PLCL2: variants seen among roughly 807,000 people sequenced by gnomAD.
The protein encoded by PLCL2 is phospholipase C like 2.
PLCL2 carries 4 observed loss-of-function variants against 79.6 expected under a neutral mutation model. The observed-to-expected ratio is 0.05, with a 90% CI of 0.02 to 0.11. PLCL2 has a LOEUF of 0.11. PLCL2 is among the 10% of genes least tolerant of loss of function. The pLI is 1.00. For synonymous variants in PLCL2, 484 were observed against 457.7 expected (o/e 1.06, Z -0.73); for missense variants, 895 against 1,291.0 (o/e 0.69, Z 4.70).
intron 1 of PLCL2, among the ~76,000 whole-genome samples, chr3:16,975,902 T>C (rs2063920920): frequency 6.6e-6 from 1 of 151,978 alleles, no homozygotes; most frequent in Non-Finnish European, 1.5e-5. Flanking sequence ...GTAGCTCTCT[T>C]TGGCTCAGGT....
chr3:16,953,151 G>A (rs1047304703), intron 1 of PLCL2, among the ~76,000 whole-genome samples: 4 of 152,146 alleles, frequency 2.6e-5, no homozygotes, highest in South Asian at 2.1e-4. Flanking sequence ...GACATATTAT[G>A]TGAATGAAGC....
chr3:17,030,595 C>T (rs2064569697), intron 3 of PLCL2, among the ~76,000 whole-genome samples: 1 of 152,136 alleles, frequency 6.6e-6, no homozygotes, highest in Non-Finnish European at 1.5e-5. Context: ...GGGGAAGATA[C>T]CAGAACATGT....
intron 1 of PLCL2, among the ~76,000 whole-genome samples, chr3:16,964,015 A>AATT (rs1183202288): frequency 3.3e-5 from 5 of 151,930 alleles, no homozygotes; most frequent in African/African-American, 4.8e-5. Context: ...AGGATTAGCA[A>AATT]ATTATTATTA....
intron 1 of PLCL2, among the ~76,000 whole-genome samples, chr3:16,897,253 C>T (rs2124917902): frequency 6.6e-6 from 1 of 151,560 alleles, no homozygotes; most frequent in South Asian, 2.1e-4. Context: ...TGACAGTCTG[C>T]CCTATGTGTC....
At chr3:16,948,531 A>G (rs73039041) in intron 1 of PLCL2, among the ~76,000 whole-genome samples, 4,480 of 152,348 alleles carry the variant, frequency 0.029, 88 homozygotes, top group Non-Finnish European at 0.043. Flanking sequence ...TGTGTGAATT[A>G]TATCTCAATA....
At chr3:17,048,130 A>G (rs1350071863) in intron 4 of PLCL2, among the ~76,000 whole-genome samples, 1 of 149,536 alleles carries the variant, frequency 6.7e-6, no homozygotes, top group Non-Finnish European at 1.5e-5. Flanking sequence ...TGCTCCTAGG[A>G]GCTGAGGTTA....
chr3:16,916,554 G>C (rs183917001), intron 1 of PLCL2, among the ~76,000 whole-genome samples: 55 of 152,270 alleles, frequency 3.6e-4, no homozygotes, highest in Non-Finnish European at 2.9e-5. Context: ...TCTGCCAAGA[G>C]CACCCAGTAT....
chr3:16,938,027 G>C (rs1697585917), intron 1 of PLCL2, among the ~76,000 whole-genome samples: 1 of 152,140 alleles, frequency 6.6e-6, no homozygotes, highest in African/African-American at 2.4e-5. Context: ...GTCTTACATA[G>C]TACTGCTTTC....
Position 17,010,728 on chromosome 3 carries a change from G to A in PLCL2, c.1382G>A (p.Arg461Gln), listed in dbSNP as rs754880897. 23 of 1,613,964 alleles carry A rather than the reference G, an allele frequency of 1.4e-5. No individual in the cohort carries two copies. Among genetic ancestry groups the A allele is most frequent in the South Asian group, 1.2e-4 (11 of 91,082 alleles). ...RGPSDITGYI[R>Q]ALKMGCRSVE... The stretch of plus-strand genomic sequence containing the variant: ...CCCTCCGACATCACAGGATATATTC[G>A]AGCTCTTAAAATGGGTTGCCGGAGT... Residue 461 changes from arginine to glutamine, a missense_variant, in exon 2 of 6, where the codon CGA (arginine) becomes CAA (glutamine). Arg to Gln is a conservative substitution (Grantham distance 43, BLOSUM62 1). Around this residue, in one of 6 missense-constraint regions of PLCL2, gnomAD observed 242 missense variants for 399.5 expected, o/e 0.61. Coordinates refer to ENST00000615277, the MANE Select transcript of PLCL2 (RefSeq NM_001144382.2). This position sits in a 1 kb window ranked among gnomAD's most constrained non-coding sequence, Gnocchi z 5.8.
chr3:17,088,769 C>A (rs538979165), intron 5 of PLCL2, among the ~76,000 whole-genome samples: 23 of 152,170 alleles, frequency 1.5e-4, no homozygotes, highest in Non-Finnish European at 2.9e-4. Context: ...CCAAAGAATT[C>A]TCTGGTCCAA....
chr3:16,896,288 T>A (rs1428781449), intron 1 of PLCL2, among the ~76,000 whole-genome samples: 1 of 152,030 alleles, frequency 6.6e-6, no homozygotes, highest in Non-Finnish European at 1.5e-5. Context: ...CCTGCACTAG[T>A]TGATGGCCTG....
At chr3:17,021,934 T>C (rs1315573681) in intron 3 of PLCL2, among the ~76,000 whole-genome samples, 1 of 152,168 alleles carries the variant, frequency 6.6e-6, no homozygotes, top group East Asian at 1.9e-4. Context: ...TCCAGCCCTA[T>C]TGGTGAATGA....
intron 1 of PLCL2, among the ~76,000 whole-genome samples, chr3:16,955,505 A>G (rs1395833572): frequency 6.6e-6 from 1 of 152,174 alleles, no homozygotes; most frequent in Non-Finnish European, 1.5e-5. Context: ...TGACTTGGCA[A>G]TGCGGGCTCT....
chr3:16,931,823 A>T (rs1697402006), intron 1 of PLCL2, among the ~76,000 whole-genome samples: 1 of 152,208 alleles, frequency 6.6e-6, no homozygotes. Context: ...GTTCTGACAT[A>T]GAATAAACTT....
chr3:16,929,519 A>G (rs951186921), intron 1 of PLCL2, among the ~76,000 whole-genome samples: 28 of 152,158 alleles, frequency 1.8e-4, no homozygotes, highest in African/African-American at 6.8e-4. Flanking sequence ...AAAGCCTCCC[A>G]AATCTAACTT....
chr3:17,084,995 C>G (rs1283976656), intron 5 of PLCL2, among the ~76,000 whole-genome samples: 3 of 152,126 alleles, frequency 2.0e-5, no homozygotes, highest in Non-Finnish European at 4.4e-5. Context: ...AAAACTGTCT[C>G]TGTTCACAGA....
intron 1 of PLCL2, among the ~76,000 whole-genome samples, chr3:16,911,252 C>CAAAAAA (rs780366754): frequency 1.8e-5 from 1 of 55,960 alleles, no homozygotes. Flanking sequence ...GACTCTGTCT[C>CAAAAAA]AAAAAAAAAA....
At chr3:16,938,634 G>T (rs1190005701) in intron 1 of PLCL2, among the ~76,000 whole-genome samples, 1 of 152,174 alleles carries the variant, frequency 6.6e-6, no homozygotes, top group Non-Finnish European at 1.5e-5. Context: ...CATGTATAGT[G>T]CAAAGGTAGC....
chr3:16,993,641 T>C (rs540500131), intron 1 of PLCL2, among the ~76,000 whole-genome samples: 143 of 152,346 alleles, frequency 9.4e-4, no homozygotes, highest in African/African-American at 3.3e-3. Flanking sequence ...ATGTTTTTAT[T>C]TCTGGATAAC....
Sources: allele counts gnomAD v4.1 joint callset (sites outside exome capture counted in the v4.1 genomes callset), GRCh38; gene constraint gnomAD v4.1.1; regional missense constraint gnomAD v4.1.1; non-coding constraint Gnocchi (gnomAD v3.1); transcripts MANE v1.5; gene names NCBI Gene and HGNC (gene_info 2026-07-23, HGNC 2026-07-21).